Variants in ADAMTS19 observed in about 807,000 individuals in gnomAD.
ADAMTS19 encodes ADAM metallopeptidase with thrombospondin type 1 motif 19.
ADAMTS19 carries 93 observed loss-of-function variants against 153.3 expected under a neutral mutation model. The ratio of observed to expected loss-of-function variants is 0.61; its 90% CI spans 0.51 to 0.72. ADAMTS19 has a LOEUF of 0.72. ADAMTS19 is among the 30% of genes least tolerant of loss of function. ADAMTS19 has a pLI of 0.00. For synonymous variants in ADAMTS19, 600 were observed against 556.6 expected (o/e 1.08, Z -1.10); for missense variants, 1,482 against 1,552.1 (o/e 0.95, Z 0.76).
chr5:129,670,541 G>A lies in ADAMTS19; in HGVS notation c.2506+4962G>A, dbSNP rs544520956. On this transcript the variant is annotated intron_variant, in intron 16 of 22. Transcript: ENST00000274487. ...AAGCTGTGAATCTAGATTTGAACCC[G>A]AGGCATCTGGGGATAGCATCTGGGT... Among the ~76,000 whole-genome samples, 15 of 152,230 alleles carry A rather than the reference G, an allele frequency of 9.9e-5. No individual in the cohort carries two copies. The South Asian group carries it at 1.7e-3, about 17-fold the overall frequency.
chr5:129,665,324 C>G (rs1753995929), intron 15 of ADAMTS19, among the ~76,000 whole-genome samples, 175 bp from the exon 16 acceptor site: 1 of 151,832 alleles, frequency 6.6e-6, no homozygotes, highest in Admixed American at 6.6e-5. Flanking sequence ...AACATGTTTC[C>G]AAGAAACTTC....
intron 6 of ADAMTS19, among the ~76,000 whole-genome samples, chr5:129,545,502 T>A (rs1341440388): frequency 1.3e-5 from 2 of 152,128 alleles, no homozygotes; most frequent in African/African-American, 2.4e-5. Flanking sequence ...ACTAAATAGA[T>A]AATGGTAAGA....
rs781759425 is a variant in ADAMTS19 at position 129,600,331 on chromosome 5, CT to C, written c.1478+3675del. The stretch of plus-strand genomic sequence containing the variant: ...TTTTTCGTTTTGGATTTCCTTCTTT[CT>C]TTTTTTTGCGTTAAATTTTATAAGT... On this transcript the variant is annotated intron_variant, in intron 8 of 22. Coordinates refer to ENST00000274487, the MANE Select transcript of ADAMTS19 (RefSeq NM_133638.6). 1.1e-4 allele frequency among the ~76,000 whole-genome samples: 16 copies of C among 151,692 alleles called. No homozygotes were observed. The East Asian group carries it at 2.7e-3, about 26-fold the overall frequency.
chr5:129,499,917 C>T lies in ADAMTS19; in HGVS notation c.748-9160C>T, dbSNP rs559492386. On this transcript the variant is annotated intron_variant, in intron 2 of 22. Transcript: ENST00000274487. ...ATCACTCTGTAACCCATTCCTAGTA[C>T]TTGGCACTACTTGAATTCATATTAT... 1.7e-3 allele frequency among the ~76,000 whole-genome samples: 263 copies of T among 152,198 alleles called. 2 individuals carry two copies. The highest frequency in any genetic ancestry group is 2.5e-3 in the Non-Finnish European group (171 of 68,008).
At chr5:129,586,819 T>G (rs1749823484) in intron 7 of ADAMTS19, among the ~76,000 whole-genome samples, 2 of 152,200 alleles carry the variant, frequency 1.3e-5, no homozygotes, top group Admixed American at 1.3e-4. Context: ...GCATGTGGTG[T>G]TATCCGTGTT....
intron 7 of ADAMTS19, among the ~76,000 whole-genome samples, chr5:129,568,659 A>G (rs1410075545): frequency 6.6e-6 from 1 of 151,978 alleles, no homozygotes; most frequent in African/African-American, 2.4e-5. Context: ...GTTGCCACAA[A>G]AAAAGTTTAA....
At chr5:129,578,552 C>T (rs541604539) in intron 7 of ADAMTS19, among the ~76,000 whole-genome samples, 3 of 151,916 alleles carry the variant, frequency 2.0e-5, no homozygotes, top group African/African-American at 2.4e-5. Flanking sequence ...CCCATTAACC[C>T]GTCATCTATG....
chr5:129,619,318 C>T (rs1304964580), intron 8 of ADAMTS19, among the ~76,000 whole-genome samples: 3 of 152,138 alleles, frequency 2.0e-5, no homozygotes, highest in Admixed American at 6.6e-5. Context: ...AGTTACTTCT[C>T]ATCTGCAAAA....
intron 21 of ADAMTS19, among the ~76,000 whole-genome samples, chr5:129,712,659 T>C (rs1278328057): frequency 6.6e-6 from 1 of 152,148 alleles, no homozygotes; most frequent in Non-Finnish European, 1.5e-5. Flanking sequence ...TATACAAAAT[T>C]TAAAAATGAA....
chr5:129,712,270 C>T (rs1310502259), intron 21 of ADAMTS19, among the ~76,000 whole-genome samples: 1 of 152,060 alleles, frequency 6.6e-6, no homozygotes, highest in African/African-American at 2.4e-5. Flanking sequence ...AGTCCATCAT[C>T]TAAAGAAATC....
intron 2 of ADAMTS19, among the ~76,000 whole-genome samples, chr5:129,506,581 C>G (rs1430533207): frequency 1.3e-5 from 2 of 151,932 alleles, no homozygotes; most frequent in East Asian, 3.9e-4. Context: ...AATTCTAATA[C>G]AACAGAAAAT....
At chr5:129,634,072 G>A (rs184483833) in intron 10 of ADAMTS19, among the ~76,000 whole-genome samples, 33 of 152,204 alleles carry the variant, frequency 2.2e-4, no homozygotes, top group African/African-American at 7.5e-4. Context: ...CTAATGTCAG[G>A]ACACAATAGT....
rs528232566 is a variant in ADAMTS19 at position 129,657,006 on chromosome 5, C to T, written c.2305-1611C>T. 1.1e-4 allele frequency among the ~76,000 whole-genome samples: 16 copies of T among 152,336 alleles called. No homozygotes were observed. The East Asian group carries it at 2.9e-3, about 28-fold the overall frequency. ...ACATGGAAAGACTTTTCTTCTCAAT[C>T]CAGGACTCCCAGGTCAGGCTTCTGC... is the stretch of plus-strand genomic sequence containing the variant. On this transcript the variant is annotated intron_variant, in intron 14 of 22. Transcript: ENST00000274487.
intron 13 of ADAMTS19, among the ~76,000 whole-genome samples, chr5:129,650,329 A>G (rs1753261691): frequency 6.6e-6 from 1 of 152,106 alleles, no homozygotes; most frequent in Admixed American, 6.6e-5. Flanking sequence ...TTTGCTTTCC[A>G]TCATTCCAGT....
intron 3 of ADAMTS19, among the ~76,000 whole-genome samples, chr5:129,525,776 A>G (rs1239941535): frequency 1.3e-5 from 2 of 151,990 alleles, no homozygotes; most frequent in Non-Finnish European, 2.9e-5. Flanking sequence ...ATCCTGATGG[A>G]AAGTGGAGCT....
At chr5:129,466,908 G>T (rs1749881826) in intron 2 of ADAMTS19, among the ~76,000 whole-genome samples, 1 of 152,106 alleles carries the variant, frequency 6.6e-6, no homozygotes, top group African/African-American at 2.4e-5. Flanking sequence ...TAAAAATAAA[G>T]ACATGGAAAG....
Position 129,622,362 on chromosome 5 carries a change from T to C in ADAMTS19, c.1770+14T>C, listed in dbSNP as rs747118645. On this transcript the variant is annotated intron_variant, in intron 10 of 22. Coordinates refer to ENST00000274487, the MANE Select transcript of ADAMTS19 (RefSeq NM_133638.6). ...CAGGAGATGCAGGTAAAGATCCAGG[T>C]GGGGATTTTGTGCGTTCATTCATTG... The C allele has an allele frequency of 3.7e-6, 6 of 1,613,750 alleles. No homozygotes were observed. Among genetic ancestry groups the C allele is most frequent in the Non-Finnish European group, 5.1e-6 (6 of 1,179,800 alleles).
At chr5:129,674,836 A>G (rs1042273432) in intron 16 of ADAMTS19, among the ~76,000 whole-genome samples, 1 of 152,192 alleles carries the variant, frequency 6.6e-6, no homozygotes, top group African/African-American at 2.4e-5. Flanking sequence ...TACATTTACC[A>G]CTATCAGCTT....
At chr5:129,638,096 A>G (rs62399045) in intron 10 of ADAMTS19, among the ~76,000 whole-genome samples, 18,888 of 152,106 alleles carry the variant, frequency 0.12, 1,593 homozygotes, top group African/African-American at 0.23. Flanking sequence ...ACAAATCTTC[A>G]TATGTACCAC....
Sources: gnomAD v4.1 joint callset for allele counts (sites outside exome capture counted in the v4.1 genomes callset) on GRCh38, gnomAD v4.1.1 for gene constraint, MANE v1.5 for transcripts, NCBI Gene and HGNC (gene_info 2026-07-23, HGNC 2026-07-21) for gene names.